The following EPS8L2 variants were observed in gnomAD, a reference collection of about 807,000 sequenced individuals.
EPS8L2 encodes the protein epidermal growth factor receptor kinase substrate 8-like protein 2.
EPS8L2 carries 81 observed loss-of-function variants against 99.4 expected under a neutral mutation model. The ratio of observed to expected loss-of-function variants is 0.82; its 90% confidence interval spans 0.68 to 0.98. The LOEUF (loss-of-function observed/expected upper bound fraction) is 0.98. Ranked by LOEUF, EPS8L2 falls within the 50% of genes least tolerant of loss-of-function variation. The pLI is 0.00. For missense variants in EPS8L2, 1,155 were observed against 968.8 expected (o/e 1.19, Z -2.55); for synonymous variants, 509 against 407.3 (o/e 1.25, Z -3.01).
chr11:726,285 G>C lies in EPS8L2; in HGVS notation c.1754-19G>C. ...GCAGGGGCAAGGCAGCGGCGGGCCT[G>C]AGTCGCGCGCCCCCTCAGAGCTCAT... is the stretch of plus-strand genomic sequence containing the variant. On this transcript the variant is annotated intron_variant, in intron 18 of 20. Transcript: ENST00000318562. 6.3e-7 allele frequency: 1 copy of C among 1,593,884 alleles called. No homozygotes were observed. Among genetic ancestry groups the C allele is most frequent in the Non-Finnish European group, 8.5e-7 (1 of 1,170,894 alleles).
At position 706,258 on chromosome 11, in the gene EPS8L2, G is replaced by A. The variant is rs971623933; in HGVS notation, c.-109G>A. On this transcript the variant is annotated 5_prime_UTR_variant, in exon 1 of 21. Transcript: ENST00000318562. Reference sequence around the variant, plus strand: ...ACGGACGCACCGGCGAGCGCCGAGGGGACAGGCCGAGCGCGGGGCGCCGGA... The same window carrying A: ...ACGGACGCACCGGCGAGCGCCGAGGAGACAGGCCGAGCGCGGGGCGCCGGA... The A allele has an allele frequency of 1.3e-4, 20 of 152,104 alleles. No homozygotes were observed. The highest frequency in any genetic ancestry group is 3.9e-4 in the African/African-American group (16 of 41,530). The allele number at this position is 152,104 out of a possible 1,614,324, so 9.4% of individuals were successfully genotyped here. A position where few individuals can be genotyped will look rare whatever the true frequency, so the allele number is the denominator to read the frequency against.
chr11:718,304 G>A (rs952085684), intron 4 of EPS8L2, among the ~76,000 whole-genome samples: 3 of 152,106 alleles, frequency 2.0e-5, no homozygotes, highest in Non-Finnish European at 4.4e-5. Flanking sequence ...CTGCATTCCA[G>A]CCTGGGGGAC....
chr11:726,841 A>G, intron 20 of EPS8L2, 60 bp from the exon 21 acceptor site: 1 of 1,588,398 alleles, frequency 6.3e-7, no homozygotes. Flanking sequence ...AGCAAGGGGG[A>G]GGCCGGCACC....
At chr11:712,692 C>G (rs1301089567) in intron 4 of EPS8L2, among the ~76,000 whole-genome samples, 1 of 152,218 alleles carries the variant, frequency 6.6e-6, no homozygotes, top group East Asian at 1.9e-4. Flanking sequence ...GGTCACTACT[C>G]TTTGAGCCTC....
At chr11:715,722 G>C (rs373551362) in intron 4 of EPS8L2, among the ~76,000 whole-genome samples, 1 of 145,730 alleles carries the variant, frequency 6.9e-6, no homozygotes, top group Non-Finnish European at 1.5e-5. Flanking sequence ...CTGGGTTCAC[G>C]CCATTCTCCT....
At position 721,883 on chromosome 11, in the gene EPS8L2, C is replaced by G. The variant is rs1466373673; in HGVS notation, c.896-20C>G. Reference sequence around the variant, plus strand: ...GGGAGATCAGGGCCAGCCTGGCTCACGCGGTGCCTCCCATGCCAGAGGGCG... The same window carrying G: ...GGGAGATCAGGGCCAGCCTGGCTCAGGCGGTGCCTCCCATGCCAGAGGGCG... On this transcript the variant is annotated intron_variant, in intron 10 of 20. Coordinates refer to ENST00000318562, the MANE Select transcript of EPS8L2 (RefSeq NM_022772.4). 6.4e-7 allele frequency: 1 copy of G among 1,570,850 alleles called. No individual in the cohort carries two copies. The highest frequency in any genetic ancestry group is 1.2e-5 in the South Asian group (1 of 86,550).
chr11:716,678 T>C (rs1240256785), intron 4 of EPS8L2, among the ~76,000 whole-genome samples: 1 of 152,276 alleles, frequency 6.6e-6, no homozygotes, highest in Non-Finnish European at 1.5e-5. Flanking sequence ...GAATGCTTTC[T>C]AGTTTTCTTG....
intron 4 of EPS8L2, among the ~76,000 whole-genome samples, chr11:714,674 A>AT (rs1040946412): frequency 5.9e-4 from 43 of 72,888 alleles, no homozygotes; most frequent in East Asian, 6.5e-4. Flanking sequence ...ATTTTATTTT[A>AT]TTTTTTTTTG....
chr11:714,694 C>G (rs1861973288), intron 4 of EPS8L2, among the ~76,000 whole-genome samples: 1 of 146,538 alleles, frequency 6.8e-6, no homozygotes. Flanking sequence ...GAGACAGTCT[C>G]AATGTACTGG....
intron 4 of EPS8L2, among the ~76,000 whole-genome samples, chr11:713,535 C>A (rs762187426): frequency 1.3e-5 from 2 of 152,146 alleles, no homozygotes; most frequent in Non-Finnish European, 2.9e-5. Context: ...GCGCCCGCCA[C>A]CACGCCTGGC....
At chr11:712,724 G>T (rs578124529) in intron 4 of EPS8L2, among the ~76,000 whole-genome samples, 1 of 152,338 alleles carries the variant, frequency 6.6e-6, no homozygotes, top group African/African-American at 2.4e-5. Flanking sequence ...CTGTACAATG[G>T]GTCCAAAGAG....
At chr11:720,386 T>C (rs991200075) in intron 5 of EPS8L2, among the ~76,000 whole-genome samples, 163 bp downstream of exon 5, 11 of 152,080 alleles carry the variant, frequency 7.2e-5, no homozygotes, top group African/African-American at 2.4e-4. Flanking sequence ...GAGGGCCGCA[T>C]AGAGCTGAGA....
At chr11:720,517 G>T in intron 5 of EPS8L2, 80 bp from the exon 6 acceptor site, 1 of 1,546,590 alleles carries the variant, frequency 6.5e-7, no homozygotes, top group Non-Finnish European at 8.7e-7. Context: ...TGTGCTCCAG[G>T]CTTGTCCACA....
At position 721,627 on chromosome 11, in the gene EPS8L2, C is replaced by T. The variant is rs765745809; in HGVS notation, c.831C>T (p.Ala277=). ...TTGTGGCCCGGCTGCAGAAGGCAGC[C>T]GAGGCTTTCAAGCAGCTGAACCAGC... is the stretch of plus-strand genomic sequence containing the variant. ...EWFVARLQKA[A]EAFKQLNQRK... Residue 277 remains alanine, a synonymous_variant, in exon 10 of 21, where the codon GCC becomes GCT. Transcript: ENST00000318562. 8 of 1,574,628 alleles carry T rather than the reference C, an allele frequency of 5.1e-6. No individual in the cohort carries two copies. The highest frequency in any genetic ancestry group is 4.1e-5 in the African/African-American group (3 of 72,452).
Position 724,231 on chromosome 11 carries a change from C to G in EPS8L2, c.1455-493C>G, listed in dbSNP as rs1271904564. Among the ~76,000 whole-genome samples, 1 of 152,088 alleles carries G rather than the reference C, an allele frequency of 6.6e-6. No individual in the cohort carries two copies. Among genetic ancestry groups the G allele is most frequent in the East Asian group, 1.9e-4 (1 of 5,186 alleles). On this transcript the variant is annotated intron_variant, in intron 15 of 20. Coordinates refer to ENST00000318562, the MANE Select transcript of EPS8L2 (RefSeq NM_022772.4). The surrounding 1 kb of genome is among the most constrained non-coding windows in gnomAD (Gnocchi z 5.5). ...GCCAGGACCCCTCAGCCAGGGCCAG[C>G]CCCCCCGCGCTTTTGAGGTGCAGGT...
At chr11:726,067 T>G in intron 17 of EPS8L2, 31 bp from the exon 18 acceptor site, 1 of 1,419,736 alleles carries the variant, frequency 7.0e-7, no homozygotes, top group Non-Finnish European at 9.7e-7. Flanking sequence ...GGGCGGGGCG[T>G]GGGGAGCCTA....
intron 3 of EPS8L2, chr11:709,938 G>A: frequency 2.2e-6 from 1 of 459,230 alleles, no homozygotes; most frequent in Non-Finnish European, 4.0e-6. Context: ...GGCCTGGCCA[G>A]CCCCCACCTC....
intron 4 of EPS8L2, among the ~76,000 whole-genome samples, chr11:711,670 G>A (rs1289505319): frequency 1.3e-5 from 2 of 152,024 alleles, no homozygotes; most frequent in African/African-American, 2.4e-5. Flanking sequence ...ATCCCACCAC[G>A]GCCCTCCAGC....
chr11:714,676 T>TA (rs71272831), intron 4 of EPS8L2, among the ~76,000 whole-genome samples: 96,272 of 149,878 alleles, frequency 0.64, 32,477 homozygotes, highest in African/African-American at 0.86. Context: ...TTTATTTTAT[T>TA]TTTTTTTGAG....
Sources: allele counts gnomAD v4.1 joint callset (sites outside exome capture counted in the v4.1 genomes callset), GRCh38; gene constraint gnomAD v4.1.1; non-coding constraint Gnocchi (gnomAD v3.1); transcripts MANE v1.5; gene names NCBI Gene and HGNC (gene_info 2026-07-23, HGNC 2026-07-21).